Variants in COMT observed in about 807,000 individuals in gnomAD.
The protein encoded by COMT is catechol-O-methyltransferase, also known as catechol O-methyltransferase.
A neutral mutation model predicts 18.9 loss-of-function variants in COMT; 13 were observed. That is an observed-to-expected ratio of 0.69 (90% CI 0.45 to 1.09). The LOEUF (loss-of-function observed/expected upper bound fraction) is 1.09, where lower values mean the gene tolerates loss of function less well. Ranked by LOEUF, COMT falls within the 50% of genes least tolerant of loss-of-function variation. The pLI is 0.00. For synonymous variants in COMT, 150 were observed against 160.9 expected, an observed-to-expected ratio of 0.93 and a Z score of 0.51; for missense variants, 329 against 361.8, an observed-to-expected ratio of 0.91 and a Z score of 0.73.
At chr22:19,967,180 T>G (rs1942448128) in intron 5 of COMT, 1 of 1,304,744 alleles carries the variant, frequency 7.7e-7, no homozygotes, top group South Asian at 1.2e-5. Context: ...TGGTCTGGTG[T>G]CTTTCAGTCC....
intron 1 of COMT, among the ~76,000 whole-genome samples, chr22:19,960,930 T>G (rs773380636): frequency 1.3e-5 from 2 of 152,218 alleles, no homozygotes; most frequent in Non-Finnish European, 2.9e-5. Context: ...CACACACACA[T>G]AGCCCACAGG....
intron 1 of COMT, among the ~76,000 whole-genome samples, chr22:19,958,820 AG>A: frequency 6.6e-6 from 1 of 151,272 alleles, no homozygotes; most frequent in East Asian, 1.9e-4. Context: ...TGAGCCCAGG[AG>A]GTCGAGACTG....
chr22:19,967,338 T>C (rs1942461281), intron 5 of COMT: 2 of 641,280 alleles, frequency 3.1e-6, no homozygotes, highest in African/African-American at 1.9e-5. Context: ...TAGGCCATTG[T>C]CCTCCTCCCG....
chr22:19,947,299 G>A (rs983732474), intron 1 of COMT, among the ~76,000 whole-genome samples: 7 of 152,112 alleles, frequency 4.6e-5, no homozygotes, highest in Admixed American at 1.3e-4. Flanking sequence ...TTTTCTCCCC[G>A]TGTGCAGAGA....
intron 4 of COMT, 109 bp from the exon 5 acceptor site, chr22:19,964,059 G>GAA (rs1046089612): frequency 1.2e-6 from 2 of 1,601,482 alleles, no homozygotes; most frequent in African/African-American, 2.7e-5. Context: ...GGTGTGTAAA[G>GAA]ATGGCCTCCT....
At chr22:19,945,015 G>A (rs1941813370) in intron 1 of COMT, among the ~76,000 whole-genome samples, 1 of 152,046 alleles carries the variant, frequency 6.6e-6, no homozygotes, top group African/African-American at 2.4e-5. Flanking sequence ...CATTAAATTT[G>A]GCCTGATTAT....
chr22:19,957,913 C>T (rs768940613), intron 1 of COMT, among the ~76,000 whole-genome samples: 26 of 152,166 alleles, frequency 1.7e-4, no homozygotes, highest in Non-Finnish European at 2.2e-4. Context: ...CATTGTATGG[C>T]TCTACCATGT....
Position 19,969,710 on chromosome 22 carries a change from CA to C in COMT, c.*975del. 6.3e-6 allele frequency: 3 copies of C among 475,666 alleles called. No homozygotes were observed. The highest frequency in any genetic ancestry group is 8.2e-6 in the Non-Finnish European group (3 of 364,462). The allele number at this position is 475,666 out of a possible 1,614,324, so 29.5% of individuals were successfully genotyped here. On this transcript the variant is annotated 3_prime_UTR_variant, in exon 6 of 6. Transcript: ENST00000361682. Reference sequence around the variant, plus strand: ...CAGCCAGCCCACTCCTATGGATAGACAGACCAGTGAGCCCAAGTGGACAAGT... The same window carrying C: ...CAGCCAGCCCACTCCTATGGATAGACGACCAGTGAGCCCAAGTGGACAAGT...
chr22:19,954,509 A>G (rs1942018479), intron 1 of COMT, among the ~76,000 whole-genome samples: 2 of 152,034 alleles, frequency 1.3e-5, no homozygotes, highest in Admixed American at 1.3e-4. Context: ...CTGGAGTGTA[A>G]TGGCACCATC....
intron 5 of COMT, chr22:19,964,767 C>T (rs988623725): frequency 1.3e-5 from 5 of 390,572 alleles, no homozygotes; most frequent in East Asian, 5.5e-5. Flanking sequence ...GCCCCACTGG[C>T]GAGGACCCTG....
At chr22:19,957,996 A>G (rs1403347967) in intron 1 of COMT, among the ~76,000 whole-genome samples, 1 of 152,176 alleles carries the variant, frequency 6.6e-6, no homozygotes, top group Non-Finnish European at 1.5e-5. Flanking sequence ...TGATGTTGCT[A>G]TGCATATTGG....
Position 19,964,205 on chromosome 22 carries a change from C to T in COMT, c.521C>T (p.Pro174Leu). The change falls in exon 5 of 6, where the codon CCC becomes CTC. Residue 174 changes from proline to leucine, a missense_variant. Physicochemically the swap from Pro to Leu is moderately conservative, Grantham distance 98. Transcript: ENST00000361682. ...GTTGGAGCGTCCCAGGACATCATCC[C>T]CCAGCTGAAGAAGAAGTATGATGTG... ...LVVGASQDIIPQLKKKYDVDT... is the reference protein window; with the variant it reads ...LVVGASQDIILQLKKKYDVDT... The T allele has an allele frequency of 6.2e-7, 1 of 1,614,154 alleles. No individual in the cohort carries two copies. Among genetic ancestry groups the T allele is most frequent in the Non-Finnish European group, 8.5e-7 (1 of 1,180,022 alleles).
At chr22:19,958,253 C>G (rs1411905099) in intron 1 of COMT, among the ~76,000 whole-genome samples, 1 of 151,506 alleles carries the variant, frequency 6.6e-6, no homozygotes, top group East Asian at 1.9e-4. Context: ...CAGCCTCAAC[C>G]TCCTGGGCTC....
intron 3 of COMT, chr22:19,963,333 G>T: frequency 1.6e-6 from 1 of 607,398 alleles, no homozygotes; most frequent in Non-Finnish European, 2.9e-6. Flanking sequence ...GAGGCTAAGG[G>T]ACCATGGGAG....
At position 19,969,862 on chromosome 22, in the gene COMT, CT is replaced by C. The variant is rs1486536699; in HGVS notation, c.*1128del. 1.0e-6 allele frequency: 1 copy of C among 985,488 alleles called. No homozygotes were observed. The highest frequency in any genetic ancestry group is 1.1e-4 in the East Asian group (1 of 8,822). The allele number at this position is 985,488 out of a possible 1,614,324, so 61.0% of individuals were successfully genotyped here. On this transcript the variant is annotated 3_prime_UTR_variant, in exon 6 of 6. Transcript: ENST00000361682. ...CCCGACACAAGGGAGAAGCCAGCCACTTGTGCCAGACCTGAGTGGCAGAAAG... is the reference window on the plus strand; with the variant it reads ...CCCGACACAAGGGAGAAGCCAGCCACTGTGCCAGACCTGAGTGGCAGAAAG...
At chr22:19,968,104 C>A (rs1299661433) in intron 5 of COMT, among the ~76,000 whole-genome samples, 1 of 152,188 alleles carries the variant, frequency 6.6e-6, no homozygotes, top group Admixed American at 6.5e-5. Context: ...TGCAGGGTCA[C>A]CCTGGTCAGG....
In COMT at chr22:19,968,603, A is replaced by C; in HGVS notation, c.683A>C (p.Asp228Ala). 2.5e-6 allele frequency: 4 copies of C among 1,614,000 alleles called. No homozygotes were observed. Among genetic ancestry groups the C allele is most frequent in the Non-Finnish European group, 1.7e-6 (2 of 1,179,990 alleles). ...ADNVICPGAPDFLAHVRGSSC... is the reference protein window; with the variant it reads ...ADNVICPGAPAFLAHVRGSSC... ...AACGTGATCTGCCCAGGTGCGCCAGACTTCCTAGCACACGTGCGCGGGAGC... is the reference window on the plus strand; with the variant it reads ...AACGTGATCTGCCCAGGTGCGCCAGCCTTCCTAGCACACGTGCGCGGGAGC... The change falls in exon 6 of 6, where the codon GAC becomes GCC. Residue 228 changes from aspartate to alanine, a missense_variant. Coordinates refer to ENST00000361682, the MANE Select transcript of COMT (RefSeq NM_000754.4).
intron 5 of COMT, 56 bp downstream of exon 5, chr22:19,964,355 C>G: frequency 6.2e-7 from 1 of 1,612,492 alleles, no homozygotes; most frequent in Non-Finnish European, 8.5e-7. Flanking sequence ...CCCATTCAGT[C>G]AGCCTCAGCC....
rs368330320 is a variant in COMT, at chr22:19,948,885, G to A, written c.-92+6988G>A. 2.1e-4 allele frequency among the ~76,000 whole-genome samples: 31 copies of A among 146,862 alleles called. No individual in the cohort carries two copies. In the East Asian group the frequency reaches 6.2e-3, roughly 29 times the overall value. On this transcript the variant is annotated intron_variant, in intron 1 of 5. Coordinates refer to ENST00000361682, the MANE Select transcript of COMT (RefSeq NM_000754.4). ...CAGCAGAATTGCTTAAGCCTGGGAG[G>A]CAGAGGTTACAGTGAGCCCAGATCA...
Sources: gnomAD v4.1 joint callset for allele counts (sites outside exome capture counted in the v4.1 genomes callset) on GRCh38, gnomAD v4.1.1 for gene constraint, MANE v1.5 for transcripts, NCBI Gene and HGNC (gene_info 2026-07-23, HGNC 2026-07-21) for gene names.